CDH13: variants seen among roughly 807,000 people sequenced by gnomAD.
CDH13 encodes cadherin 13, also known as cadherin-13.
A neutral mutation model predicts 63.8 loss-of-function variants in CDH13; 24 were observed. The observed-to-expected ratio is 0.38, with a 90% CI of 0.27 to 0.53. The LOEUF (loss-of-function observed/expected upper bound fraction) is 0.53. Among genes scored for constraint, CDH13 ranks in the 20% least tolerant of loss-of-function variants. CDH13 has a pLI of 0.85. For missense variants in CDH13, 1,049 were observed against 903.1 expected, an observed-to-expected ratio of 1.16 and a Z score of -2.07; for synonymous variants, 503 against 355.3, an observed-to-expected ratio of 1.42 and a Z score of -4.67.
intron 1 of CDH13, among the ~76,000 whole-genome samples, chr16:82,711,446 T>A (rs1226849933): frequency 6.6e-6 from 1 of 152,170 alleles, no homozygotes. Context: ...CAGCTTGGAC[T>A]CTGGCCCTTC....
chr16:83,753,272 G>A (rs1390816740), intron 11 of CDH13, among the ~76,000 whole-genome samples: 2 of 152,178 alleles, frequency 1.3e-5, no homozygotes, highest in Non-Finnish European at 2.9e-5. Flanking sequence ...GGCCAAGCAA[G>A]GTGGCTTACA....
Position 83,239,569 on chromosome 16 carries a change from A to C in CDH13, c.636+22072A>C, listed in dbSNP as rs971268424. On this transcript the variant is annotated intron_variant, in intron 5 of 13. Coordinates refer to ENST00000567109, the MANE Select transcript of CDH13 (RefSeq NM_001257.5). ...CTTTCTCTAAGATTCTGGAGTTCAC[A>C]GCACACAAAGAAAATAGGCATAGCA... Among the ~76,000 whole-genome samples, 6 of 152,298 alleles carry C rather than the reference A, an allele frequency of 3.9e-5. No homozygotes were observed. In the East Asian group the frequency reaches 5.8e-4, roughly 15 times the overall value.
chr16:83,016,847 T>C (rs1914852394), intron 2 of CDH13, among the ~76,000 whole-genome samples: 1 of 152,174 alleles, frequency 6.6e-6, no homozygotes, highest in African/African-American at 2.4e-5. Flanking sequence ...ATCTACATAC[T>C]GGCTACACGT....
At chr16:82,735,287 C>G (rs1258405916) in intron 1 of CDH13, among the ~76,000 whole-genome samples, 2 of 152,196 alleles carry the variant, frequency 1.3e-5, no homozygotes, top group Non-Finnish European at 2.9e-5. Context: ...ACTATTTAAT[C>G]ACAAACGTTC....
intron 7 of CDH13, among the ~76,000 whole-genome samples, chr16:83,590,608 AAAAG>A (rs1906643141): frequency 1.3e-5 from 2 of 152,362 alleles, no homozygotes; most frequent in African/African-American, 2.4e-5. Flanking sequence ...GACGTAAAAA[AAAAG>A]AAAGTTTCAA....
rs545033043 is a variant in CDH13, at chr16:82,966,307, C to T, written c.158-65703C>T. 6.8e-4 allele frequency among the ~76,000 whole-genome samples: 102 copies of T among 151,024 alleles called. 2 individuals are homozygous for T. The South Asian group carries it at 0.02, about 30-fold the overall frequency. ...GGGACTACAGGCGCCCGCCACCACG[C>T]CCAGCTAATTTTTTTGTATTTTTAG... On this transcript the variant is annotated intron_variant, in intron 2 of 13. Coordinates refer to ENST00000567109, the MANE Select transcript of CDH13 (RefSeq NM_001257.5).
At chr16:83,736,121 T>C (rs391794) in intron 10 of CDH13, among the ~76,000 whole-genome samples, 118,185 of 152,010 alleles carry the variant, frequency 0.78, 46,312 homozygotes, top group Middle Eastern at 0.83. Flanking sequence ...AAATTTAACC[T>C]TAGACCTAGA....
At chr16:82,964,572 G>C (rs1907533165) in intron 2 of CDH13, among the ~76,000 whole-genome samples, 1 of 152,156 alleles carries the variant, frequency 6.6e-6, no homozygotes, top group Admixed American at 6.5e-5. Context: ...ATTTAAGTGG[G>C]TGAGCTTTAT....
At chr16:82,996,517 C>G (rs181993038) in intron 2 of CDH13, among the ~76,000 whole-genome samples, 1 of 152,172 alleles carries the variant, frequency 6.6e-6, no homozygotes, top group East Asian at 1.9e-4. Context: ...GACAAGCACT[C>G]TTTGGATTTG....
chr16:82,793,423 C>G (rs17192863), intron 1 of CDH13, among the ~76,000 whole-genome samples: 30,195 of 151,446 alleles, frequency 0.2, 3,717 homozygotes, highest in South Asian at 0.38. Flanking sequence ...AATGAAAAAG[C>G]ATTTAATTGA....
At chr16:83,053,409 C>T (rs1005574808) in intron 3 of CDH13, among the ~76,000 whole-genome samples, 1 of 152,028 alleles carries the variant, frequency 6.6e-6, no homozygotes. Flanking sequence ...TCAGAAGACA[C>T]ACTCACATTA....
chr16:82,769,685 T>G (rs59862617), intron 1 of CDH13, among the ~76,000 whole-genome samples: 2 of 152,342 alleles, frequency 1.3e-5, no homozygotes, highest in East Asian at 3.9e-4. Context: ...GCCCTAGATT[T>G]TACTTTATGT....
At chr16:82,722,594 C>T (rs2032846132) in intron 1 of CDH13, among the ~76,000 whole-genome samples, 1 of 152,054 alleles carries the variant, frequency 6.6e-6, no homozygotes, top group African/African-American at 2.4e-5. Flanking sequence ...TTTCATGGAC[C>T]AAGTATGGAG....
chr16:83,027,836 T>C (rs1050806106), intron 2 of CDH13, among the ~76,000 whole-genome samples: 1 of 152,206 alleles, frequency 6.6e-6, no homozygotes, highest in Non-Finnish European at 1.5e-5. Context: ...GCATATGTTA[T>C]GGTTTTCTCT....
intron 3 of CDH13, among the ~76,000 whole-genome samples, chr16:83,102,948 C>CTTTT (rs71148813): frequency 1.2e-4 from 8 of 69,028 alleles, no homozygotes; most frequent in South Asian, 5.7e-4. Flanking sequence ...TTTTCTTTTT[C>CTTTT]TTTTTTTTTT....
chr16:82,682,786 T>C (rs912153092), intron 1 of CDH13, among the ~76,000 whole-genome samples: 12 of 152,206 alleles, frequency 7.9e-5, no homozygotes, highest in Non-Finnish European at 4.4e-5. Flanking sequence ...AAAGATCTTC[T>C]GAGAAGGCCT....
chr16:82,726,234 T>C (rs1025569113), intron 1 of CDH13, among the ~76,000 whole-genome samples: 1 of 152,124 alleles, frequency 6.6e-6, no homozygotes, highest in African/African-American at 2.4e-5. Flanking sequence ...TTGGAGCAGG[T>C]GTTGGCAAAC....
intron 2 of CDH13, among the ~76,000 whole-genome samples, chr16:82,862,890 C>G (rs1056531345): frequency 1.3e-5 from 2 of 152,202 alleles, no homozygotes; most frequent in African/African-American, 2.4e-5. Context: ...CAACTTGGTC[C>G]TACCATCTTG....
chr16:82,638,974 C>G (rs1909048525), intron 1 of CDH13, among the ~76,000 whole-genome samples: 1 of 152,158 alleles, frequency 6.6e-6, no homozygotes, highest in South Asian at 2.1e-4. Context: ...GACTCTTATT[C>G]CCAATTTTAT....
Sources: gnomAD v4.1 joint callset for allele counts (sites outside exome capture counted in the v4.1 genomes callset) on GRCh38, gnomAD v4.1.1 for gene constraint, MANE v1.5 for transcripts, NCBI Gene and HGNC (gene_info 2026-07-23, HGNC 2026-07-21) for gene names.